SEMA6D: variants seen among roughly 807,000 people sequenced by gnomAD.
SEMA6D encodes semaphorin 6D.
Under a neutral mutation model 106.6 loss-of-function variants are expected in SEMA6D, and 35 were observed. The observed-to-expected ratio is 0.33, with a 90% CI of 0.25 to 0.44. SEMA6D has a LOEUF of 0.44. SEMA6D is among the 20% of genes least tolerant of loss of function. The pLI, the probability that SEMA6D is intolerant of heterozygous loss-of-function variation, is 1.00. For synonymous variants in SEMA6D, 499 were observed against 487.7 expected, an observed-to-expected ratio of 1.02 and a Z score of -0.31; for missense variants, 1,185 against 1,345.9, an observed-to-expected ratio of 0.88 and a Z score of 1.87.
chr15:47,259,744 C>G (rs1302920987), intron 1 of SEMA6D, among the ~76,000 whole-genome samples: 1 of 152,152 alleles, frequency 6.6e-6, no homozygotes, highest in Non-Finnish European at 1.5e-5. Context: ...AAGTTTTCAG[C>G]TGCAATATGT....
intron 3 of SEMA6D, among the ~76,000 whole-genome samples, chr15:47,547,112 T>G (rs770386282): frequency 2.6e-5 from 4 of 152,098 alleles, no homozygotes; most frequent in Admixed American, 6.6e-5. Flanking sequence ...AATCAACGTA[T>G]ACATACATAA....
intron 2 of SEMA6D, among the ~76,000 whole-genome samples, chr15:47,468,460 C>T (rs1451812279): frequency 1.3e-5 from 2 of 152,086 alleles, no homozygotes; most frequent in Admixed American, 1.3e-4. Flanking sequence ...GGTGAAAGCT[C>T]GGCTCTGAGA....
At chr15:47,746,835 T>C (rs1023550585) in intron 1 of SEMA6D, among the ~76,000 whole-genome samples, 2 of 152,128 alleles carry the variant, frequency 1.3e-5, no homozygotes, top group African/African-American at 4.8e-5. Context: ...CCAGTCTGGC[T>C]GGGATATGCC....
intron 18 of SEMA6D, 135 bp downstream of exon 18, chr15:47,768,883 G>C (rs2082488738): frequency 2.8e-6 from 2 of 704,250 alleles, no homozygotes; most frequent in Non-Finnish European, 4.6e-6. Context: ...CCTTGCCACA[G>C]TCTCTCTGGC....
At chr15:47,647,269 C>A (rs544770349) in intron 4 of SEMA6D, among the ~76,000 whole-genome samples, 2 of 152,100 alleles carry the variant, frequency 1.3e-5, no homozygotes, top group Non-Finnish European at 1.5e-5. Flanking sequence ...AATTTAATAG[C>A]GTGTCAACAA....
chr15:47,664,921 G>A (rs922286302), intron 4 of SEMA6D, among the ~76,000 whole-genome samples: 1 of 152,164 alleles, frequency 6.6e-6, no homozygotes, highest in Non-Finnish European at 1.5e-5. Context: ...CAGCAAGCAT[G>A]GCTGCTACAA....
intron 4 of SEMA6D, among the ~76,000 whole-genome samples, chr15:47,637,241 A>G (rs940275949): frequency 6.6e-6 from 1 of 152,202 alleles, no homozygotes; most frequent in South Asian, 2.1e-4. Context: ...TACTCCAAGA[A>G]GCTAATAAAA....
chr15:47,435,049 A>G (rs2041656972), intron 2 of SEMA6D, among the ~76,000 whole-genome samples: 1 of 152,162 alleles, frequency 6.6e-6, no homozygotes, highest in African/African-American at 2.4e-5. Context: ...AAAAATGGCC[A>G]GATTTTAAAC....
At chr15:47,345,537 A>G (rs1203705853) in intron 1 of SEMA6D, among the ~76,000 whole-genome samples, 1 of 152,190 alleles carries the variant, frequency 6.6e-6, no homozygotes, top group Non-Finnish European at 1.5e-5. Flanking sequence ...ACCTCATAGC[A>G]TACACAAGAA....
At chr15:47,548,847 A>G (rs936836366) in intron 3 of SEMA6D, among the ~76,000 whole-genome samples, 10 of 152,196 alleles carry the variant, frequency 6.6e-5, no homozygotes, top group Admixed American at 5.2e-4. Context: ...AGAAAAATGC[A>G]GGAAGTTATG....
intron 1 of SEMA6D, among the ~76,000 whole-genome samples, chr15:47,265,742 A>G (rs1209007274): frequency 2.6e-5 from 4 of 151,958 alleles, no homozygotes; most frequent in Non-Finnish European, 5.9e-5. Flanking sequence ...CATTTGGGGT[A>G]CCGATTTCCC....
chr15:47,556,285 T>C (rs988174588), intron 3 of SEMA6D, among the ~76,000 whole-genome samples: 20 of 152,300 alleles, frequency 1.3e-4, no homozygotes, highest in African/African-American at 4.8e-4. Flanking sequence ...TGTACTCCTT[T>C]CCGATTCCCC....
chr15:47,450,380 C>G (rs1261224340), intron 2 of SEMA6D, among the ~76,000 whole-genome samples: 1 of 152,054 alleles, frequency 6.6e-6, no homozygotes, highest in Non-Finnish European at 1.5e-5. Flanking sequence ...CACCATGCCT[C>G]TTACTGTCCC....
At chr15:47,536,483 G>A (rs565647614) in intron 3 of SEMA6D, among the ~76,000 whole-genome samples, 3 of 152,290 alleles carry the variant, frequency 2.0e-5, no homozygotes, top group East Asian at 1.9e-4. Flanking sequence ...AGTCTCAGTC[G>A]TCAGATTGTA....
At position 47,620,693 on chromosome 15, in the gene SEMA6D, AAT is replaced by A. The variant is rs72092074; in HGVS notation, c.-55+19813_-55+19814del. Among the ~76,000 whole-genome samples the A allele has an allele frequency of 6.8e-3, 899 of 132,890 alleles. 7 individuals carry two copies. Among genetic ancestry groups the A allele is most frequent in the Middle Eastern group, 0.015 (4 of 270 alleles). The allele number at this position is 132,890 out of a possible 152,430, so 87.2% of individuals were successfully genotyped here. ...GCTGAGGGGTTTCACTTGCCTTTAA[AAT>A]ATATATATATATATACACACATATA... On this transcript the variant is annotated intron_variant, in intron 4 of 19. Transcript: ENST00000558014.
intron 3 of SEMA6D, among the ~76,000 whole-genome samples, chr15:47,575,162 C>T (rs12050798): frequency 0.88 from 134,418 of 152,246 alleles, 60,025 homozygotes; most frequent in East Asian, 0.99. Context: ...AAATTAATCG[C>T]ATCAATTATG....
intron 1 of SEMA6D, among the ~76,000 whole-genome samples, chr15:47,298,209 C>G (rs1259157801): frequency 2.6e-5 from 4 of 152,156 alleles, no homozygotes; most frequent in Non-Finnish European, 5.9e-5. Flanking sequence ...GGAGCTCGCA[C>G]TGGGAATAGG....
At chr15:47,692,402 A>C (rs1421868982) in intron 4 of SEMA6D, among the ~76,000 whole-genome samples, 1 of 152,110 alleles carries the variant, frequency 6.6e-6, no homozygotes, top group Non-Finnish European at 1.5e-5. Context: ...TGCATCTCCC[A>C]TACCAGCTCT....
chr15:47,520,994 G>A (rs1231868054), intron 3 of SEMA6D, among the ~76,000 whole-genome samples: 3 of 152,198 alleles, frequency 2.0e-5, no homozygotes, highest in Non-Finnish European at 4.4e-5. Context: ...TGTGTCTGAA[G>A]ATGGGTTGGG....
Sources: gnomAD v4.1 joint callset for allele counts (sites outside exome capture counted in the v4.1 genomes callset) on GRCh38, gnomAD v4.1.1 for gene constraint, MANE v1.5 for transcripts, NCBI Gene and HGNC (gene_info 2026-07-23, HGNC 2026-07-21) for gene names.